The following GLIS3 variants were observed in gnomAD, a reference collection of about 807,000 sequenced individuals.
The protein encoded by GLIS3 is zinc finger protein GLIS3.
In GLIS3, 53 loss-of-function variants were observed where a neutral mutation model predicts 78.6. That is an observed-to-expected ratio of 0.67 (90% CI 0.54 to 0.85). The LOEUF is 0.85. GLIS3 is among the 40% of genes least tolerant of loss of function. GLIS3 has a pLI of 0.00. For synonymous variants in GLIS3, 684 were observed against 509.9 expected (o/e 1.34, Z -4.60); for missense variants, 1,703 against 1,231.1 (o/e 1.38, Z -5.74).
intron 4 of GLIS3, among the ~76,000 whole-genome samples, chr9:4,086,394 A>C (rs1284695271): frequency 6.6e-6 from 1 of 152,232 alleles, no homozygotes; most frequent in African/African-American, 2.4e-5. Flanking sequence ...TCATATTCCA[A>C]GCCATAACTT....
At chr9:4,398,072 G>C in the GLIS3 span, among the ~76,000 whole-genome samples, 5 of 151,976 alleles carry the variant, frequency 3.3e-5, no homozygotes, top group Non-Finnish European at 5.9e-5. Flanking sequence ...TAAGAAAGCA[G>C]TTTAAGATCT....
intron 4 of GLIS3, among the ~76,000 whole-genome samples, chr9:3,992,947 T>C (rs1820439313): frequency 6.6e-6 from 1 of 152,212 alleles, no homozygotes; most frequent in Non-Finnish European, 1.5e-5. Context: ...CAAATCCTTA[T>C]AGGGTGTTTT....
chr9:4,299,194 C>G (rs1475271075), intron 1 of GLIS3, among the ~76,000 whole-genome samples: 4 of 152,200 alleles, frequency 2.6e-5, no homozygotes, highest in Non-Finnish European at 5.9e-5. Flanking sequence ...GGTTTGAACC[C>G]TAATTGTTGC....
At chr9:4,239,237 C>A (rs1318438123) in intron 2 of GLIS3, among the ~76,000 whole-genome samples, 2 of 150,482 alleles carry the variant, frequency 1.3e-5, no homozygotes, top group Non-Finnish European at 3.0e-5. Context: ...TTAATGGGTG[C>A]AGCACACCAA....
the GLIS3 span, among the ~76,000 whole-genome samples, chr9:4,385,745 GAAAGAA>G: frequency 8.9e-3 from 279 of 31,344 alleles, 42 homozygotes; most frequent in East Asian, 0.058. Flanking sequence ...GAAAAAGAAA[GAAAGAA>G]AGAAAGAAAG....
At chr9:4,451,885 C>T in the GLIS3 span, among the ~76,000 whole-genome samples, 5 of 147,138 alleles carry the variant, frequency 3.4e-5, no homozygotes, top group Non-Finnish European at 2.9e-5. Flanking sequence ...TAAATGCCCA[C>T]AAGAGAAAGC....
At chr9:4,461,714 G>A in the GLIS3 span, among the ~76,000 whole-genome samples, 1 of 152,146 alleles carries the variant, frequency 6.6e-6, no homozygotes, top group Non-Finnish European at 1.5e-5. Context: ...CTATCACACG[G>A]CTACCATCTT....
chr9:4,303,427 A>G (rs998312816), upstream of GLIS3, among the ~76,000 whole-genome samples: 1 of 152,222 alleles, frequency 6.6e-6, no homozygotes, highest in Non-Finnish European at 1.5e-5. Context: ...GGAATGCAGC[A>G]AATTTCACAT....
At chr9:4,437,438 A>ATCTATCTG in the GLIS3 span, among the ~76,000 whole-genome samples, 8 of 151,770 alleles carry the variant, frequency 5.3e-5, no homozygotes, top group African/African-American at 1.7e-4. Flanking sequence ...CTATCTATCT[A>ATCTATCTG]TCTATCTATC....
chr9:4,435,382 G>A, the GLIS3 span, among the ~76,000 whole-genome samples: 2 of 152,172 alleles, frequency 1.3e-5, no homozygotes, highest in South Asian at 2.1e-4. Context: ...CTAATCAAGA[G>A]GCAGAGTTTC....
chr9:3,978,107 C>T (rs1455552053), intron 4 of GLIS3, among the ~76,000 whole-genome samples: 1 of 152,270 alleles, frequency 6.6e-6, no homozygotes, highest in Middle Eastern at 3.4e-3. Flanking sequence ...AGGGTGAAGC[C>T]CGCTGTAGAA....
intron 4 of GLIS3, among the ~76,000 whole-genome samples, chr9:4,076,253 A>C (rs998887682): frequency 6.6e-6 from 1 of 152,210 alleles, no homozygotes; most frequent in African/African-American, 2.4e-5. Context: ...AAAAAATATT[A>C]AATTTTAAAT....
chr9:4,038,172 G>A (rs930416410), intron 4 of GLIS3, among the ~76,000 whole-genome samples: 1 of 152,134 alleles, frequency 6.6e-6, no homozygotes, highest in Non-Finnish European at 1.5e-5. Flanking sequence ...TAATTTATTT[G>A]TAATTAATCA....
At chr9:4,063,871 G>C (rs930366728) in intron 4 of GLIS3, among the ~76,000 whole-genome samples, 1 of 152,104 alleles carries the variant, frequency 6.6e-6, no homozygotes, top group South Asian at 2.1e-4. Context: ...TTCAGTGTAC[G>C]TGTGTGAGTT....
the GLIS3 span, among the ~76,000 whole-genome samples, chr9:4,355,742 T>C: frequency 6.6e-6 from 1 of 152,204 alleles, no homozygotes; most frequent in East Asian, 1.9e-4. Flanking sequence ...TGAGAGCCTA[T>C]ACACCCTGTT....
intron 2 of GLIS3, among the ~76,000 whole-genome samples, chr9:4,333,049 A>C (rs537450598): frequency 1.3e-5 from 2 of 152,344 alleles, no homozygotes; most frequent in South Asian, 4.1e-4. Context: ...TCTTCAGAAC[A>C]ACCTTATGAG....
At chr9:4,024,290 T>C (rs1043886904) in intron 4 of GLIS3, among the ~76,000 whole-genome samples, 1 of 152,194 alleles carries the variant, frequency 6.6e-6, no homozygotes, top group Non-Finnish European at 1.5e-5. Flanking sequence ...TCCATTCTAA[T>C]TAGCATCACG....
upstream of GLIS3, among the ~76,000 whole-genome samples, chr9:4,351,746 T>A (rs1032978038): frequency 1.3e-5 from 2 of 152,226 alleles, no homozygotes; most frequent in South Asian, 2.1e-4. Context: ...CACTTACTGA[T>A]GGGCCTTAGA....
chr9:4,084,542 C>T (rs188585283), intron 4 of GLIS3, among the ~76,000 whole-genome samples: 14 of 151,862 alleles, frequency 9.2e-5, no homozygotes, highest in East Asian at 1.9e-4. Context: ...AAGTGGGTGA[C>T]GGAGACATGG....
Sources: gnomAD v4.1 joint callset for allele counts (sites outside exome capture counted in the v4.1 genomes callset) on GRCh38, gnomAD v4.1.1 for gene constraint, MANE v1.5 for transcripts, NCBI Gene and HGNC (gene_info 2026-07-23, HGNC 2026-07-21) for gene names.